Variants in COL24A1 observed in about 807,000 individuals in gnomAD.
COL24A1 encodes the protein collagen alpha-1(XXIV) chain.
COL24A1 carries 224 observed loss-of-function variants against 253.9 expected under a neutral mutation model. That is an observed-to-expected ratio of 0.88 (90% CI 0.79 to 0.99). The LOEUF (loss-of-function observed/expected upper bound fraction) is 0.99, where lower values mean the gene tolerates loss of function less well. Ranked by LOEUF, COL24A1 falls within the 50% of genes least tolerant of loss-of-function variation. The pLI is 0.00. For missense variants in COL24A1, 2,131 were observed against 2,068.5 expected (o/e 1.03, Z -0.59); for synonymous variants, 685 against 673.7 (o/e 1.02, Z -0.26).
At chr1:85,939,710 A>T (rs959254685) in intron 24 of COL24A1, among the ~76,000 whole-genome samples, 2 of 152,146 alleles carry the variant, frequency 1.3e-5, no homozygotes, top group African/African-American at 2.4e-5. Context: ...TTACCAAAAA[A>T]TTTCTTTAAG....
intron 39 of COL24A1, among the ~76,000 whole-genome samples, chr1:85,844,472 G>A (rs185818678): frequency 1.3e-3 from 203 of 152,060 alleles, no homozygotes; most frequent in Admixed American, 0.01. Flanking sequence ...AAATAAATGG[G>A]CCAGACATTT....
intron 43 of COL24A1, among the ~76,000 whole-genome samples, chr1:85,834,124 A>C (rs567727018): frequency 6.6e-5 from 10 of 152,082 alleles, no homozygotes; most frequent in Admixed American, 1.3e-4. Flanking sequence ...AATAATAATA[A>C]AATTTAAAAA....
At chr1:86,039,491 T>C (rs17406471) in intron 12 of COL24A1, among the ~76,000 whole-genome samples, 20,210 of 152,134 alleles carry the variant, frequency 0.13, 1,435 homozygotes, top group Middle Eastern at 0.23. Context: ...AATGACTATA[T>C]TTACAGAATT....
intron 10 of COL24A1, among the ~76,000 whole-genome samples, chr1:86,051,316 T>A (rs1198063926): frequency 1.3e-5 from 2 of 152,124 alleles, no homozygotes; most frequent in East Asian, 3.8e-4. Context: ...TAACATCATT[T>A]GATAATTGTT....
At chr1:85,904,144 A>G (rs1319091266) in intron 28 of COL24A1, among the ~76,000 whole-genome samples, 4 of 152,138 alleles carry the variant, frequency 2.6e-5, no homozygotes, top group African/African-American at 9.7e-5. Flanking sequence ...TTTTTAATAG[A>G]GTTATTTTAA....
intron 19 of COL24A1, among the ~76,000 whole-genome samples, chr1:86,011,762 T>C (rs369444111): frequency 6.0e-4 from 92 of 152,326 alleles, no homozygotes; most frequent in African/African-American, 2.1e-3. Flanking sequence ...CAGAATCAGA[T>C]GATAATTTCC....
chr1:85,835,858 A>G (rs112961262), intron 43 of COL24A1, among the ~76,000 whole-genome samples: 1,683 of 152,308 alleles, frequency 0.011, 32 homozygotes, highest in African/African-American at 0.039. Context: ...ACACTACCCC[A>G]AAATATGGCA....
intron 24 of COL24A1, among the ~76,000 whole-genome samples, chr1:85,920,176 A>T (rs1479026032): frequency 6.6e-6 from 1 of 152,224 alleles, no homozygotes; most frequent in African/African-American, 2.4e-5. Flanking sequence ...CTAAAAGTTA[A>T]TAGAAGAAGA....
At position 86,130,720 on chromosome 1, in the gene COL24A1, C is replaced by A. The variant is rs1001831295; in HGVS notation, c.122-4506G>T. ...TTTACCAACTGTAAAATATTTAATT[C>A]CCAGCTTCTTCAGATAAGGCAATCA... On this transcript the variant is annotated intron_variant, in intron 2 of 59. Transcript: ENST00000370571. Among the ~76,000 whole-genome samples, 11 of 151,810 alleles carry A rather than the reference C, an allele frequency of 7.2e-5. 1 individual carries two copies. Among genetic ancestry groups the A allele is most frequent in the Non-Finnish European group, 1.5e-4 (10 of 67,880 alleles).
At chr1:86,149,451 A>T (rs895502099) in intron 1 of COL24A1, among the ~76,000 whole-genome samples, 2 of 152,248 alleles carry the variant, frequency 1.3e-5, no homozygotes, top group Non-Finnish European at 2.9e-5. Flanking sequence ...CTGGCAGGAT[A>T]CATATCAGCG....
intron 35 of COL24A1, 97 bp downstream of exon 35, chr1:85,874,552 G>A: frequency 9.2e-7 from 1 of 1,083,888 alleles, no homozygotes. Context: ...TATCAGAAAG[G>A]TTTATTATCC....
intron 24 of COL24A1, among the ~76,000 whole-genome samples, chr1:85,960,417 A>T (rs982369736): frequency 5.3e-5 from 8 of 152,200 alleles, no homozygotes; most frequent in African/African-American, 1.7e-4. Context: ...ATTCAAATAC[A>T]ACATGAAGCC....
chr1:85,906,264 C>CTTTTTTTTTTTTTTTTTTTTT lies in COL24A1; in HGVS notation c.2778+929_2778+930insAAAAAAAAAAAAAAAAAAAAA, dbSNP rs10526604. The stretch of plus-strand genomic sequence containing the variant: ...TTTGCCAACTGGAAAACTGCAAGGT[C>CTTTTTTTTTTTTTTTTTTTTT]TTTTTTTTTTTTTACCATGGTTAGG... On this transcript the variant is annotated intron_variant, in intron 28 of 59. Coordinates refer to ENST00000370571, the MANE Select transcript of COL24A1 (RefSeq NM_152890.7). Among the ~76,000 whole-genome samples, 85 of 77,836 alleles carry CTTTTTTTTTTTTTTTTTTTTT rather than the reference C, an allele frequency of 1.1e-3. 17 individuals carry two copies. The highest frequency in any genetic ancestry group is 1.7e-3 in the Admixed American group (9 of 5,376). The allele number at this position is 77,836 out of a possible 152,430, so 51.1% of individuals were successfully genotyped here.
chr1:85,875,693 A>G (rs1681068937), intron 33 of COL24A1, among the ~76,000 whole-genome samples: 1 of 150,424 alleles, frequency 6.6e-6, no homozygotes, highest in Non-Finnish European at 1.5e-5. Flanking sequence ...CAAATAAGAG[A>G]TAAATTTATT....
chr1:86,053,882 G>A (rs919812699), intron 10 of COL24A1, among the ~76,000 whole-genome samples: 1 of 151,940 alleles, frequency 6.6e-6, no homozygotes, highest in African/African-American at 2.4e-5. Flanking sequence ...ACCAGTAACA[G>A]GACACAAATT....
chr1:85,785,297 T>C (rs1307835819), intron 48 of COL24A1, among the ~76,000 whole-genome samples: 2 of 152,214 alleles, frequency 1.3e-5, no homozygotes, highest in Non-Finnish European at 2.9e-5. Context: ...AAGTCTTTTT[T>C]CATTGATTTT....
chr1:85,886,338 C>T (rs1428904141), intron 32 of COL24A1, among the ~76,000 whole-genome samples: 5 of 151,572 alleles, frequency 3.3e-5, no homozygotes, highest in African/African-American at 9.7e-5. Context: ...CGTGAGCCAC[C>T]GTGCTTGGCC....
intron 7 of COL24A1, among the ~76,000 whole-genome samples, chr1:86,077,876 A>G (rs1557524943): frequency 6.6e-6 from 1 of 152,112 alleles, no homozygotes; most frequent in Non-Finnish European, 1.5e-5. Flanking sequence ...TAGGAGAAAT[A>G]CCTAATGCAG....
At chr1:85,733,725 G>A (rs886970209) in intron 59 of COL24A1, among the ~76,000 whole-genome samples, 10 of 151,518 alleles carry the variant, frequency 6.6e-5, no homozygotes, top group East Asian at 2.0e-4. Context: ...GATTATTGGC[G>A]TGTGCCACCA....
Sources: allele counts gnomAD v4.1 joint callset (sites outside exome capture counted in the v4.1 genomes callset), GRCh38; gene constraint gnomAD v4.1.1; transcripts MANE v1.5; gene names NCBI Gene and HGNC (gene_info 2026-07-23, HGNC 2026-07-21).